The following RDX variants were observed in gnomAD, a reference collection of about 807,000 sequenced individuals.
RDX encodes radixin.
RDX carries 32 observed loss-of-function variants against 83.7 expected under a neutral mutation model. The ratio of observed to expected loss-of-function variants is 0.38; its 90% CI spans 0.29 to 0.51. The LOEUF is 0.51. RDX is among the 20% of genes least tolerant of loss of function. The pLI is 0.87. For synonymous variants in RDX, 229 were observed against 222.7 expected (o/e 1.03, Z -0.25); for missense variants, 600 against 689.9 (o/e 0.87, Z 1.46).
chr11:110,270,794 A>G (rs551073002), intron 3 of RDX, among the ~76,000 whole-genome samples: 5 of 152,322 alleles, frequency 3.3e-5, no homozygotes, highest in East Asian at 1.9e-4. Flanking sequence ...TTAATAAAAA[A>G]CAAGTTTTAT....
chr11:110,243,482 C>T (rs900385320), intron 10 of RDX, among the ~76,000 whole-genome samples: 4 of 152,138 alleles, frequency 2.6e-5, no homozygotes, highest in African/African-American at 9.7e-5. Flanking sequence ...TTTGGGAGGC[C>T]AAGGCAGGCA....
chr11:110,279,646 T>C (rs780057841), intron 2 of RDX, 35 bp downstream of exon 2: 2 of 1,374,562 alleles, frequency 1.5e-6, no homozygotes, highest in South Asian at 2.4e-5. Context: ...TATCTTATTA[T>C]TGAGACACTG....
intron 3 of RDX, among the ~76,000 whole-genome samples, chr11:110,269,592 A>G (rs1456257043): frequency 1.3e-5 from 2 of 152,142 alleles, no homozygotes; most frequent in African/African-American, 2.4e-5. Context: ...TCCCACACAC[A>G]CTACATACAA....
At chr11:110,280,725 G>A (rs536297709) in intron 1 of RDX, among the ~76,000 whole-genome samples, 47 of 152,364 alleles carry the variant, frequency 3.1e-4, no homozygotes, top group Non-Finnish European at 6.2e-4. Flanking sequence ...CTCTTTGGGA[G>A]GCCAAGGTGA....
chr11:110,176,894 G>A (rs138060899), intron 15 of RDX, among the ~76,000 whole-genome samples: 167 of 152,162 alleles, frequency 1.1e-3, no homozygotes, highest in African/African-American at 3.7e-3. Flanking sequence ...AGGCCCTTTC[G>A]GAGTCCTCTC....
At chr11:110,215,406 AAAT>A (rs1864012646) in intron 14 of RDX, among the ~76,000 whole-genome samples, 1 of 149,912 alleles carries the variant, frequency 6.7e-6, no homozygotes, top group African/African-American at 2.4e-5. Flanking sequence ...ATAAATAAAT[AAAT>A]AAAATAATAA....
rs1440906211 is a variant in RDX at position 110,236,873 on chromosome 11, G to C, written c.1251+619C>G. 2.0e-5 allele frequency among the ~76,000 whole-genome samples: 3 copies of C among 152,168 alleles called. No homozygotes were observed. In the East Asian group the frequency reaches 5.8e-4, roughly 30 times the overall value. On this transcript the variant is annotated intron_variant, in intron 11 of 13. Coordinates refer to ENST00000645495, the MANE Select transcript of RDX (RefSeq NM_002906.4). The stretch of plus-strand genomic sequence containing the variant: ...GACCTCAGGTGATCCACCTGCCTCG[G>C]CCTCCCAAAATGCTGGGATTACAGG...
chr11:110,268,625 C>T (rs1283856342), intron 3 of RDX, among the ~76,000 whole-genome samples: 3 of 152,118 alleles, frequency 2.0e-5, no homozygotes, highest in African/African-American at 7.2e-5. Context: ...AAGGGAGATG[C>T]CCCACAGTGG....
At chr11:110,239,359 T>A (rs1864990912) in intron 10 of RDX, among the ~76,000 whole-genome samples, 1 of 152,024 alleles carries the variant, frequency 6.6e-6, no homozygotes, top group Middle Eastern at 3.4e-3. Context: ...GCTAAAAAGC[T>A]CTATACAGCA....
intron 10 of RDX, among the ~76,000 whole-genome samples, chr11:110,239,309 C>CA (rs1303349610): frequency 6.6e-6 from 1 of 151,276 alleles, no homozygotes; most frequent in Non-Finnish European, 1.5e-5. Flanking sequence ...TGTAAGACCT[C>CA]AAAGGCACAG....
intron 8 of RDX, 58 bp from the exon 9 acceptor site, chr11:110,254,167 A>G: frequency 7.1e-7 from 1 of 1,414,658 alleles, no homozygotes; most frequent in Non-Finnish European, 9.9e-7. Flanking sequence ...CTCTCATAAC[A>G]ATCTGTACTA....
rs199573785 is a variant in RDX, at chr11:110,233,277, G to A, written c.1547C>T (p.Thr516Ile). The change falls in exon 13 of 14, where the codon ACC (threonine) becomes ATC (isoleucine). Residue 516 changes from threonine (T) to isoleucine (I), a missense_variant. Coordinates refer to ENST00000645495, the MANE Select transcript of RDX (RefSeq NM_002906.4). ...AACACGCTCATTTTTCTGTGTTTCG[G>A]TTACACGTTCTTCCTCGCTTCTATG... The part of the protein sequence containing the change: ...MNHRSEEERV[T>I]ETQKNERVKK... 33 of 1,613,796 alleles carry A rather than the reference G, an allele frequency of 2.0e-5. No homozygotes were observed. In the South Asian group the frequency reaches 3.4e-4, roughly 17 times the overall value.
intron 8 of RDX, among the ~76,000 whole-genome samples, chr11:110,254,571 G>A (rs1859468882): frequency 6.6e-6 from 1 of 151,816 alleles, no homozygotes; most frequent in Admixed American, 6.6e-5. Flanking sequence ...TGCCTCCCGG[G>A]TTCAAGAAAT....
chr11:110,223,763 T>A (rs1334239295), intron 14 of RDX, among the ~76,000 whole-genome samples: 1 of 152,094 alleles, frequency 6.6e-6, no homozygotes, highest in Admixed American at 6.5e-5. Flanking sequence ...CAACTACAGT[T>A]TTTGACTTTT....
At chr11:110,223,322 C>T (rs1019675704) in intron 14 of RDX, among the ~76,000 whole-genome samples, 2 of 152,018 alleles carry the variant, frequency 1.3e-5, no homozygotes, top group Non-Finnish European at 2.9e-5. Context: ...CACTGCACTC[C>T]AGCCTGGGCG....
At chr11:110,256,478 T>C (rs76680720) in intron 7 of RDX, among the ~76,000 whole-genome samples, 1,941 of 152,294 alleles carry the variant, frequency 0.013, 36 homozygotes, top group East Asian at 0.075. Flanking sequence ...TTGCCTCATA[T>C]AATTCTCATA....
At chr11:110,294,784 T>C (rs915007118) in intron 1 of RDX, among the ~76,000 whole-genome samples, 1 of 152,190 alleles carries the variant, frequency 6.6e-6, no homozygotes, top group Non-Finnish European at 1.5e-5. Flanking sequence ...TTACATCTAT[T>C]CTACAGCTAC....
At chr11:110,290,409 G>C (rs1861186937) in intron 1 of RDX, among the ~76,000 whole-genome samples, 1 of 152,006 alleles carries the variant, frequency 6.6e-6, no homozygotes, top group South Asian at 2.1e-4. Context: ...CTACTTGGGA[G>C]ACTGAGGTGG....
At chr11:110,268,931 T>C (rs898113647) in intron 3 of RDX, among the ~76,000 whole-genome samples, 9 of 150,776 alleles carry the variant, frequency 6.0e-5, no homozygotes, top group Admixed American at 2.6e-4. Context: ...CTATAAAGCA[T>C]ATATTTTTAA....
Sources: allele counts gnomAD v4.1 joint callset (sites outside exome capture counted in the v4.1 genomes callset), GRCh38; gene constraint gnomAD v4.1.1; transcripts MANE v1.5; gene names NCBI Gene and HGNC (gene_info 2026-07-23, HGNC 2026-07-21).